Variants in RAB3IP observed in about 807,000 individuals in gnomAD.
RAB3IP encodes the protein RAB3A interacting protein.
RAB3IP carries 36 observed loss-of-function variants against 59.1 expected under a neutral mutation model. The observed-to-expected ratio is 0.61, with a 90% CI of 0.47 to 0.80. RAB3IP has a LOEUF of 0.80. Ranked by LOEUF, RAB3IP falls within the 30% of genes least tolerant of loss-of-function variation. The probability of loss-of-function intolerance (pLI) is 0.00; values close to 1 mark genes in which losing one functional copy is unlikely to be tolerated. For missense variants in RAB3IP, 511 were observed against 536.0 expected (o/e 0.95, Z 0.46); for synonymous variants, 207 against 191.2 (o/e 1.08, Z -0.68).
intron 3 of RAB3IP, among the ~76,000 whole-genome samples, chr12:69,761,401 T>C (rs1019584646): frequency 2.0e-5 from 3 of 152,220 alleles, no homozygotes; most frequent in African/African-American, 7.2e-5. Flanking sequence ...CTGTCTTTTA[T>C]TGCCTAATAT....
rs1473315530 is a variant in RAB3IP at position 69,808,957 on chromosome 12, T to G, written c.1131-3821T>G. 9.9e-4 allele frequency among the ~76,000 whole-genome samples: 151 copies of G among 152,028 alleles called. 1 individual carries two copies. The highest frequency in any genetic ancestry group is 2.9e-3 in the African/African-American group (120 of 41,482). ...TCCTGTCATTATGATGTTAGCTGGT[T>G]ATTTTGCTCATTAGTTGATGCAGTT... On this transcript the variant is annotated intron_variant, in intron 8 of 10. Transcript: ENST00000247833.
intron 3 of RAB3IP, among the ~76,000 whole-genome samples, chr12:69,770,162 A>G (rs1057347336): frequency 1.3e-5 from 2 of 152,194 alleles, no homozygotes; most frequent in Non-Finnish European, 2.9e-5. Context: ...ACATATTTTT[A>G]ATGTCTAAAA....
At chr12:69,758,486 A>G (rs774197293) in intron 3 of RAB3IP, among the ~76,000 whole-genome samples, 8 of 152,246 alleles carry the variant, frequency 5.3e-5, no homozygotes, top group Non-Finnish European at 1.2e-4. Context: ...TATAGTAGAC[A>G]TATTTAACTT....
intron 1 of RAB3IP, among the ~76,000 whole-genome samples, chr12:69,748,973 T>G (rs1049797857): frequency 6.6e-6 from 1 of 152,184 alleles, no homozygotes; most frequent in Non-Finnish European, 1.5e-5. Context: ...TTTTCAGAAG[T>G]GACTTGAATT....
At chr12:69,807,803 G>A (rs1792363785) in intron 8 of RAB3IP, among the ~76,000 whole-genome samples, 2 of 145,392 alleles carry the variant, frequency 1.4e-5, no homozygotes, top group Non-Finnish European at 1.5e-5. Context: ...TGGGCAGCCA[G>A]GCAGAGGCGC....
At chr12:69,814,810 A>C (rs562077129) in intron 10 of RAB3IP, among the ~76,000 whole-genome samples, 5 of 152,194 alleles carry the variant, frequency 3.3e-5, no homozygotes, top group Non-Finnish European at 2.9e-5. Context: ...GGGAACTTAC[A>C]AAAGTATAGG....
intron 3 of RAB3IP, among the ~76,000 whole-genome samples, chr12:69,762,601 C>CA (rs1038687691): frequency 1.3e-5 from 2 of 151,396 alleles, no homozygotes; most frequent in African/African-American, 4.9e-5. Context: ...ACTAAAAATA[C>CA]AAAAAATTAG....
chr12:69,741,953 T>A (rs754716660), intron 1 of RAB3IP, among the ~76,000 whole-genome samples: 4 of 152,256 alleles, frequency 2.6e-5, no homozygotes, highest in Non-Finnish European at 5.9e-5. Context: ...GAGATTTTTT[T>A]AAATCAAATA....
At chr12:69,798,298 G>GT (rs1213183610) in intron 6 of RAB3IP, among the ~76,000 whole-genome samples, 1 of 152,016 alleles carries the variant, frequency 6.6e-6, no homozygotes, top group African/African-American at 2.4e-5. Context: ...TTTTTCATGT[G>GT]TTTTTTGGCT....
chr12:69,802,062 G>T (rs7965134), intron 8 of RAB3IP, among the ~76,000 whole-genome samples: 133,599 of 150,386 alleles, frequency 0.89, 59,511 homozygotes, highest in Admixed American at 0.93. Flanking sequence ...GATAGAAACC[G>T]GAGTTGTTTT....
intron 3 of RAB3IP, among the ~76,000 whole-genome samples, chr12:69,769,880 A>G (rs1872824793): frequency 6.6e-6 from 1 of 152,202 alleles, no homozygotes; most frequent in Admixed American, 6.5e-5. Flanking sequence ...TAATCATGAC[A>G]TTTATCATTG....
At chr12:69,791,720 T>C (rs1365702545) in intron 4 of RAB3IP, among the ~76,000 whole-genome samples, 1 of 152,210 alleles carries the variant, frequency 6.6e-6, no homozygotes, top group African/African-American at 2.4e-5. Context: ...GGTGGGAATG[T>C]AAATTGGTAC....
intron 1 of RAB3IP, among the ~76,000 whole-genome samples, chr12:69,746,993 T>TA (rs1156988534): frequency 6.6e-6 from 1 of 152,244 alleles, no homozygotes; most frequent in East Asian, 1.9e-4. Flanking sequence ...ATTATTGTGA[T>TA]AATACAAGTA....
chr12:69,748,604 A>G (rs1868726787), intron 1 of RAB3IP, among the ~76,000 whole-genome samples: 1 of 152,212 alleles, frequency 6.6e-6, no homozygotes, highest in Non-Finnish European at 1.5e-5. Flanking sequence ...CCTGGAGCTC[A>G]GTAATAAGGC....
intron 4 of RAB3IP, among the ~76,000 whole-genome samples, chr12:69,791,227 T>G (rs888833318): frequency 6.6e-6 from 1 of 152,132 alleles, no homozygotes; most frequent in Non-Finnish European, 1.5e-5. Context: ...GACCTGAAAC[T>G]GTAAACTCAG....
intron 7 of RAB3IP, among the ~76,000 whole-genome samples, chr12:69,801,074 G>T (rs1340098517): frequency 1.3e-5 from 2 of 152,124 alleles, no homozygotes; most frequent in African/African-American, 4.8e-5. Context: ...TAGTAACCTT[G>T]CCAGACTAAA....
rs1268175546 is a variant in RAB3IP at position 69,798,465 on chromosome 12, T to G, written c.889-1744T>G. Reference sequence around the variant, plus strand: ...GTAGGTTGCGAAAATTTTCTCCCATTTTGTAGGTTGCCTGTTCACTCTGAT... The same window carrying G: ...GTAGGTTGCGAAAATTTTCTCCCATGTTGTAGGTTGCCTGTTCACTCTGAT... On this transcript the variant is annotated intron_variant, in intron 6 of 10. Coordinates refer to ENST00000247833, the MANE Select transcript of RAB3IP (RefSeq NM_022456.5). Among the ~76,000 whole-genome samples the G allele has an allele frequency of 3.4e-3, 520 of 151,574 alleles. 8 individuals carry two copies. Among genetic ancestry groups the G allele is most frequent in the East Asian group, 1.4e-3 (7 of 5,170 alleles).
At chr12:69,779,337 C>T (rs1178986150) in intron 3 of RAB3IP, among the ~76,000 whole-genome samples, 2 of 148,790 alleles carry the variant, frequency 1.3e-5, no homozygotes, top group Non-Finnish European at 3.0e-5. Context: ...TGAGATGAAC[C>T]CGGTACCTCA....
intron 1 of RAB3IP, among the ~76,000 whole-genome samples, chr12:69,748,436 A>G (rs971676182): frequency 3.3e-5 from 5 of 152,242 alleles, no homozygotes; most frequent in African/African-American, 1.2e-4. Flanking sequence ...TAGCACCACT[A>G]TCTGACAACA....
Sources: gnomAD v4.1 joint callset for allele counts (sites outside exome capture counted in the v4.1 genomes callset) on GRCh38, gnomAD v4.1.1 for gene constraint, MANE v1.5 for transcripts, NCBI Gene and HGNC (gene_info 2026-07-23, HGNC 2026-07-21) for gene names.